Variants in RC3H1 observed in about 807,000 individuals in gnomAD.
RC3H1 encodes ring finger and CCCH-type domains 1.
In RC3H1, 50 loss-of-function variants were observed where a neutral mutation model predicts 138.2. That is an observed-to-expected ratio of 0.36 (90% CI 0.29 to 0.46). RC3H1 has a LOEUF of 0.46. Among genes scored for constraint, RC3H1 ranks in the 20% least tolerant of loss-of-function variants. RC3H1 has a pLI of 1.00. For missense variants in RC3H1, 1,031 were observed against 1,388.1 expected, an observed-to-expected ratio of 0.74 and a Z score of 4.09; for synonymous variants, 462 against 489.1, an observed-to-expected ratio of 0.94 and a Z score of 0.73.
Position 173,993,064 on chromosome 1 carries a change from G to GA in RC3H1, c.-80dup. On this transcript the variant is annotated 5_prime_UTR_variant, in exon 2 of 20. Coordinates refer to ENST00000367696, the MANE Select transcript of RC3H1 (RefSeq NM_172071.4). ...AGATTCCACTGGAATCAAAATCTTT[G>GA]AAAAAAAGTTTATCTTTTTTTTTTT... 1 of 1,051,788 alleles carries GA rather than the reference G, an allele frequency of 9.5e-7. No homozygotes were observed. Among genetic ancestry groups the GA allele is most frequent in the Non-Finnish European group, 1.4e-6 (1 of 707,816 alleles). 65.2% of individuals were successfully genotyped at this position (1,051,788 alleles called of 1,614,324 possible).
intron 1 of RC3H1, among the ~76,000 whole-genome samples, chr1:174,012,975 A>C (rs961826462): frequency 6.6e-6 from 1 of 151,976 alleles, no homozygotes; most frequent in African/African-American, 2.4e-5. Context: ...ACTATTATAG[A>C]ATGCTGCAAC....
rs1473590793 is a variant in RC3H1 at position 173,933,119 on chromosome 1, T to C, written c.*5602A>G. 6.6e-6 allele frequency: 1 copy of C among 152,124 alleles called. No individual in the cohort carries two copies. Among genetic ancestry groups the C allele is most frequent in the Non-Finnish European group, 1.5e-5 (1 of 67,970 alleles). The allele number at this position is 152,124 out of a possible 1,614,324, so 9.4% of individuals were successfully genotyped here. A position where few individuals can be genotyped will look rare whatever the true frequency, so the allele number is the denominator to read the frequency against. ...ATTTTATTTTTCTAAATACACATTTTTGGACACGATATTATGTTGAGGTTT... is the reference window on the plus strand; with the variant it reads ...ATTTTATTTTTCTAAATACACATTTCTGGACACGATATTATGTTGAGGTTT... On this transcript the variant is annotated 3_prime_UTR_variant, in exon 20 of 20. Coordinates refer to ENST00000367696, the MANE Select transcript of RC3H1 (RefSeq NM_172071.4).
intron 2 of RC3H1, 108 bp from the exon 3 acceptor site, chr1:173,984,727 C>T (rs1660955298): frequency 1.9e-6 from 2 of 1,055,106 alleles, no homozygotes; most frequent in Non-Finnish European, 2.7e-6. Flanking sequence ...AAAACGCCCA[C>T]TAAATTTACT....
chr1:173,955,952 G>A lies in RC3H1; in HGVS notation c.2371-3814C>T, dbSNP rs1271305032. 2.6e-5 allele frequency among the ~76,000 whole-genome samples: 4 copies of A among 151,886 alleles called. No homozygotes were observed. In the East Asian group the frequency reaches 7.8e-4, roughly 30 times the overall value. ...TCAAGACCAGCCTGGCCAACATGGTGAAACCCTGCCTCTACTAAAAATACA... is the reference window on the plus strand; with the variant it reads ...TCAAGACCAGCCTGGCCAACATGGTAAAACCCTGCCTCTACTAAAAATACA... On this transcript the variant is annotated intron_variant, in intron 13 of 19. Coordinates refer to ENST00000367696, the MANE Select transcript of RC3H1 (RefSeq NM_172071.4).
At chr1:174,000,503 A>G (rs1661544406) in intron 1 of RC3H1, among the ~76,000 whole-genome samples, 1 of 152,222 alleles carries the variant, frequency 6.6e-6, no homozygotes, top group Admixed American at 6.5e-5. Flanking sequence ...TAAACTGTTG[A>G]GCTGGGATTA....
At chr1:173,989,727 T>C (rs949799778) in intron 2 of RC3H1, among the ~76,000 whole-genome samples, 2 of 140,276 alleles carry the variant, frequency 1.4e-5, no homozygotes, top group South Asian at 2.4e-4. Flanking sequence ...TTTTTTTTTT[T>C]TTTTTTTTTT....
Position 173,938,527 on chromosome 1 carries a change from T to TA in RC3H1, c.*193dup, listed in dbSNP as rs1658694137. ...CTGCTAATTTTCTTTTTCTTTAAATTAAAAAAATGCATTAATGTGAACTAT... is the reference window on the plus strand; with the variant it reads ...CTGCTAATTTTCTTTTTCTTTAAATTAAAAAAAATGCATTAATGTGAACTAT... On this transcript the variant is annotated 3_prime_UTR_variant, in exon 20 of 20. Coordinates refer to ENST00000367696, the MANE Select transcript of RC3H1 (RefSeq NM_172071.4). 1 of 399,328 alleles carries TA rather than the reference T, an allele frequency of 2.5e-6. No homozygotes were observed. The highest frequency in any genetic ancestry group is 3.6e-5 in the East Asian group (1 of 27,430). 24.7% of individuals were successfully genotyped at this position (399,328 alleles called of 1,614,324 possible).
At chr1:173,939,354 A>G (rs551556113) in intron 19 of RC3H1, among the ~76,000 whole-genome samples, 15 of 151,946 alleles carry the variant, frequency 9.9e-5, no homozygotes, top group African/African-American at 3.4e-4. Context: ...CCTGGCCAAC[A>G]TGGTGAAACC....
intron 12 of RC3H1, 136 bp from the exon 13 acceptor site, chr1:173,961,380 C>T (rs1050304648): frequency 1.4e-6 from 1 of 740,524 alleles, no homozygotes; most frequent in Non-Finnish European, 2.1e-6. Flanking sequence ...CAACACTTAA[C>T]AGAACAAAGT....
At chr1:173,957,333 C>A (rs1557927481) in intron 13 of RC3H1, among the ~76,000 whole-genome samples, 1 of 151,976 alleles carries the variant, frequency 6.6e-6, no homozygotes, top group Non-Finnish European at 1.5e-5. Flanking sequence ...AATGAAGAAA[C>A]GTGCACCTCA....
At chr1:173,980,417 T>C (rs1431216081) in intron 6 of RC3H1, among the ~76,000 whole-genome samples, 1 of 152,108 alleles carries the variant, frequency 6.6e-6, no homozygotes, top group Non-Finnish European at 1.5e-5. Flanking sequence ...AAATGGATAA[T>C]ACAGGGCTGT....
At chr1:173,995,387 G>A (rs1661437848) in intron 1 of RC3H1, among the ~76,000 whole-genome samples, 1 of 151,804 alleles carries the variant, frequency 6.6e-6, no homozygotes, top group African/African-American at 2.4e-5. Context: ...CACAAAATTA[G>A]CCAGGCATGG....
intron 13 of RC3H1, among the ~76,000 whole-genome samples, chr1:173,955,081 C>G (rs1262014384): frequency 6.6e-6 from 1 of 151,232 alleles, no homozygotes; most frequent in Non-Finnish European, 1.5e-5. Flanking sequence ...AAAAAATTAG[C>G]CAAGCGTGGT....
At chr1:173,982,625 T>C in intron 5 of RC3H1, 102 bp downstream of exon 5, 1 of 1,049,912 alleles carries the variant, frequency 9.5e-7, no homozygotes, top group Non-Finnish European at 1.3e-6. Flanking sequence ...TGAGATTTTC[T>C]GAAAAGATAC....
At chr1:173,982,011 T>A (rs1259640117) in intron 5 of RC3H1, among the ~76,000 whole-genome samples, 2 of 152,232 alleles carry the variant, frequency 1.3e-5, no homozygotes, top group African/African-American at 4.8e-5. Flanking sequence ...TGTCCAGCAT[T>A]ACCATATAAA....
chr1:174,018,387 C>T (rs1661901975), intron 1 of RC3H1, among the ~76,000 whole-genome samples: 1 of 152,018 alleles, frequency 6.6e-6, no homozygotes, highest in Admixed American at 6.6e-5. Flanking sequence ...AGTAAACAGG[C>T]ACAATCCTGA....
At chr1:173,944,958 C>A (rs1307086517) in intron 17 of RC3H1, among the ~76,000 whole-genome samples, 1 of 151,958 alleles carries the variant, frequency 6.6e-6, no homozygotes, top group Non-Finnish European at 1.5e-5. Flanking sequence ...GGTAGAAAGA[C>A]AGACTAATGT....
Position 173,971,459 on chromosome 1 carries a change from A to G in RC3H1, c.1222-842T>C, listed in dbSNP as rs577666596. The stretch of plus-strand genomic sequence containing the variant: ...ACTAATTCTTCTTGACATGCAGAAT[A>G]ATATATGAAGAACTTAAAATAGTTC... On this transcript the variant is annotated intron_variant, in intron 8 of 19. Coordinates refer to ENST00000367696, the MANE Select transcript of RC3H1 (RefSeq NM_172071.4). 2.6e-5 allele frequency among the ~76,000 whole-genome samples: 4 copies of G among 152,342 alleles called. No homozygotes were observed. In the East Asian group the frequency reaches 5.8e-4, roughly 22 times the overall value.
chr1:173,960,322 T>G (rs949601187), intron 13 of RC3H1, among the ~76,000 whole-genome samples: 1 of 151,996 alleles, frequency 6.6e-6, no homozygotes, highest in African/African-American at 2.4e-5. Context: ...AAAGCAACAC[T>G]GTCTAATAGA....
Sources: gnomAD v4.1 joint callset for allele counts (sites outside exome capture counted in the v4.1 genomes callset) on GRCh38, gnomAD v4.1.1 for gene constraint, MANE v1.5 for transcripts, NCBI Gene and HGNC (gene_info 2026-07-23, HGNC 2026-07-21) for gene names.